Variants in FBXL7 observed in about 807,000 individuals in gnomAD.
FBXL7 encodes the protein F-box and leucine rich repeat protein 7.
In FBXL7, 12 loss-of-function variants were observed where a neutral mutation model predicts 38.3. The ratio of observed to expected loss-of-function variants is 0.31; its 90% CI spans 0.20 to 0.51. The LOEUF (loss-of-function observed/expected upper bound fraction) is 0.51, where lower values mean the gene tolerates loss of function less well. FBXL7 is among the 20% of genes least tolerant of loss of function. The pLI is 0.98. For synonymous variants in FBXL7, 297 were observed against 300.9 expected, an observed-to-expected ratio of 0.99 and a Z score of 0.13; for missense variants, 567 against 676.4, an observed-to-expected ratio of 0.84 and a Z score of 1.79.
At chr5:15,644,961 A>C (rs550912863) in intron 2 of FBXL7, among the ~76,000 whole-genome samples, 5 of 151,806 alleles carry the variant, frequency 3.3e-5, no homozygotes, top group African/African-American at 1.2e-4. Flanking sequence ...CTTTATATTC[A>C]CCTTGTCCCC....
intron 1 of FBXL7, among the ~76,000 whole-genome samples, chr5:15,595,573 T>C (rs1739603937): frequency 6.6e-6 from 1 of 152,228 alleles, no homozygotes; most frequent in Non-Finnish European, 1.5e-5. Context: ...GCAACAGTAT[T>C]ACTAGGTAAC....
chr5:15,771,223 C>T (rs998516879), intron 2 of FBXL7, among the ~76,000 whole-genome samples: 2 of 152,178 alleles, frequency 1.3e-5, no homozygotes, highest in Non-Finnish European at 2.9e-5. Flanking sequence ...ACCTTTTCAT[C>T]CCTCTTAGCT....
intron 2 of FBXL7, among the ~76,000 whole-genome samples, chr5:15,821,935 T>C (rs1410581518): frequency 6.6e-6 from 1 of 152,162 alleles, no homozygotes; most frequent in African/African-American, 2.4e-5. Context: ...AGTTAACTTC[T>C]ATCTCGGGAG....
intron 1 of FBXL7, among the ~76,000 whole-genome samples, chr5:15,609,757 A>T (rs536792899): frequency 3.1e-4 from 47 of 152,298 alleles, no homozygotes; most frequent in African/African-American, 1.1e-3. Flanking sequence ...CGGCAGCTTG[A>T]TGTAGCCATG....
At chr5:15,894,805 C>A (rs185599872) in intron 2 of FBXL7, among the ~76,000 whole-genome samples, 13 of 152,238 alleles carry the variant, frequency 8.5e-5, no homozygotes, top group Non-Finnish European at 1.8e-4. Context: ...AAACTACACC[C>A]AACTCAATTC....
intron 2 of FBXL7, among the ~76,000 whole-genome samples, chr5:15,883,649 T>C (rs552127315): frequency 6.6e-6 from 1 of 152,342 alleles, no homozygotes; most frequent in Admixed American, 6.5e-5. Flanking sequence ...CCCAGATCAC[T>C]GCTGGTCAAA....
At position 15,606,012 on chromosome 5, in the gene FBXL7, A is replaced by T. The variant is rs544324434; in HGVS notation, c.38-9971A>T. Among the ~76,000 whole-genome samples, 4 of 152,242 alleles carry T rather than the reference A, an allele frequency of 2.6e-5. No individual in the cohort carries two copies. The East Asian group carries it at 7.7e-4, about 29-fold the overall frequency. ...TCACATAATACACCTTAAATATGTA[A>T]TTTTTATCTGTCAATTAATTATTTT... On this transcript the variant is annotated intron_variant, in intron 1 of 3. Transcript: ENST00000504595.
chr5:15,521,206 G>C (rs980552450), intron 1 of FBXL7, among the ~76,000 whole-genome samples: 2 of 152,202 alleles, frequency 1.3e-5, no homozygotes, highest in African/African-American at 4.8e-5. Context: ...GTCGGGGGGT[G>C]AAATGAATTA....
intron 2 of FBXL7, among the ~76,000 whole-genome samples, chr5:15,854,408 A>G (rs1739192552): frequency 6.6e-6 from 1 of 152,172 alleles, no homozygotes; most frequent in South Asian, 2.1e-4. Flanking sequence ...GTAGGATCTG[A>G]AGTCTGTCTG....
At chr5:15,918,266 C>A (rs1246306922) in intron 2 of FBXL7, among the ~76,000 whole-genome samples, 3 of 151,912 alleles carry the variant, frequency 2.0e-5, no homozygotes, top group African/African-American at 7.2e-5. Context: ...GAATAAAGTC[C>A]TTCTGCGATT....
At chr5:15,811,121 A>T (rs186173127) in intron 2 of FBXL7, among the ~76,000 whole-genome samples, 19 of 152,254 alleles carry the variant, frequency 1.2e-4, no homozygotes, top group African/African-American at 4.3e-4. Flanking sequence ...TCAGATGCAA[A>T]AGTGAGATAG....
chr5:15,658,976 T>A (rs1741972832), intron 2 of FBXL7, among the ~76,000 whole-genome samples: 1 of 152,158 alleles, frequency 6.6e-6, no homozygotes, highest in Non-Finnish European at 1.5e-5. Context: ...TCACTGGGAC[T>A]TCTTGCCACT....
At chr5:15,865,246 TA>T (rs1739654760) in intron 2 of FBXL7, among the ~76,000 whole-genome samples, 2 of 152,266 alleles carry the variant, frequency 1.3e-5, no homozygotes, top group Admixed American at 6.5e-5. Flanking sequence ...CAGCTCCATC[TA>T]AATGCTACGA....
intron 1 of FBXL7, among the ~76,000 whole-genome samples, chr5:15,501,140 G>A (rs1736475155): frequency 6.6e-6 from 1 of 152,082 alleles, no homozygotes; most frequent in Non-Finnish European, 1.5e-5. Context: ...AAAAACTTCT[G>A]GAAGGAGAAG....
At chr5:15,868,331 A>G (rs555768760) in intron 2 of FBXL7, among the ~76,000 whole-genome samples, 12 of 152,198 alleles carry the variant, frequency 7.9e-5, no homozygotes, top group Non-Finnish European at 1.8e-4. Flanking sequence ...TGATGCCTTG[A>G]TCTTAGCCTG....
At chr5:15,816,957 T>C (rs1177190298) in intron 2 of FBXL7, among the ~76,000 whole-genome samples, 1 of 152,182 alleles carries the variant, frequency 6.6e-6, no homozygotes, top group Non-Finnish European at 1.5e-5. Flanking sequence ...AACACACCTC[T>C]CCGAATTTCT....
chr5:15,667,602 C>A (rs1360648603), intron 2 of FBXL7, among the ~76,000 whole-genome samples: 1 of 152,102 alleles, frequency 6.6e-6, no homozygotes, highest in Admixed American at 6.6e-5. Context: ...TTTCTTTTGG[C>A]ATTATCTGTT....
chr5:15,912,345 C>G (rs59986913), intron 2 of FBXL7, among the ~76,000 whole-genome samples: 11 of 133,138 alleles, frequency 8.3e-5, no homozygotes, highest in East Asian at 4.5e-4. Flanking sequence ...TGACCCCTTG[C>G]GCTTCCCAGG....
In FBXL7 at chr5:15,606,681, G is replaced by A. The variant is rs1194560489; in HGVS notation, c.38-9302G>A. ...ACTTTAGCAATTTCCCTTCTGTTTC[G>A]TTTCCTTTCCTGCCCTCTCCTTCCC... On this transcript the variant is annotated intron_variant, in intron 1 of 3. Coordinates refer to ENST00000504595, the MANE Select transcript of FBXL7 (RefSeq NM_012304.5). The A allele has an allele frequency of 3.3e-5, 5 of 152,180 alleles. No individual in the cohort carries two copies. In the East Asian group the frequency reaches 5.8e-4, roughly 18 times the overall value. 9.4% of individuals were successfully genotyped at this position (152,180 alleles called of 1,614,324 possible).
Sources: gnomAD v4.1 joint callset for allele counts (sites outside exome capture counted in the v4.1 genomes callset) on GRCh38, gnomAD v4.1.1 for gene constraint, MANE v1.5 for transcripts, NCBI Gene and HGNC (gene_info 2026-07-23, HGNC 2026-07-21) for gene names.